SIGLECL1: variants seen among roughly 807,000 people sequenced by gnomAD.
The protein encoded by SIGLECL1 is SIGLEC family-like protein 1.
In SIGLECL1, 16 loss-of-function variants were observed where a neutral mutation model predicts 19.1. That is an observed-to-expected ratio of 0.84 (90% CI 0.57 to 1.27). The LOEUF (loss-of-function observed/expected upper bound fraction) is 1.27, where lower values mean the gene tolerates loss of function less well. Ranked by LOEUF, SIGLECL1 falls within the 50% of genes most tolerant of loss-of-function variation. The probability of loss-of-function intolerance (pLI) is 0.00; values close to 1 mark genes in which losing one functional copy is unlikely to be tolerated. For synonymous variants in SIGLECL1, 89 were observed against 90.4 expected, an observed-to-expected ratio of 0.98 and a Z score of 0.09; for missense variants, 210 against 239.4, an observed-to-expected ratio of 0.88 and a Z score of 0.81.
intron 1 of SIGLECL1, among the ~76,000 whole-genome samples, chr19:51,253,375 A>G (rs546623528): frequency 4.1e-4 from 57 of 138,150 alleles, no homozygotes; most frequent in African/African-American, 1.8e-3. Flanking sequence ...ACTTGAATTT[A>G]AAATTTAAAA....
chr19:51,267,563 C>A (rs772790264), intron 5 of SIGLECL1, 34 bp downstream of exon 5: 1 of 1,608,674 alleles, frequency 6.2e-7, no homozygotes, highest in South Asian at 1.1e-5. Context: ...TCTAGTCTAT[C>A]GGAATACTGA....
chr19:51,252,230 GAGGT>G (rs1982533966), intron 1 of SIGLECL1, among the ~76,000 whole-genome samples: 1 of 151,738 alleles, frequency 6.6e-6, no homozygotes, highest in Admixed American at 6.6e-5. Context: ...CCCGTAGGCA[GAGGT>G]TGCAGTGAGC....
Position 51,265,435 on chromosome 19 carries a change from T to C in SIGLECL1, c.90T>C (p.His30=), listed in dbSNP as rs1403215367. Residue 30 remains histidine (H), a synonymous_variant, in exon 3 of 6, where the codon CAT becomes CAC. Transcript: ENST00000601727. ...CACTGCAGTGCAGCTGTTCCTTCCA[T>C]GGGATTCCCACACCCTCTGTGCAGT... ...EKTLQCSCSF[H]GIPTPSVQWW... is the part of the protein sequence containing the mutation. The C allele has an allele frequency of 1.2e-6, 2 of 1,613,968 alleles. No homozygotes were observed.
chr19:51,246,734 A>C (rs1287609257), upstream of SIGLECL1, among the ~76,000 whole-genome samples: 3 of 152,138 alleles, frequency 2.0e-5, no homozygotes, highest in African/African-American at 7.2e-5. Flanking sequence ...AGGATTAAAC[A>C]AGTTTTATTG....
At chr19:51,261,865 A>G (rs1465626729) in intron 1 of SIGLECL1, among the ~76,000 whole-genome samples, 1 of 152,212 alleles carries the variant, frequency 6.6e-6, no homozygotes, top group African/African-American at 2.4e-5. Flanking sequence ...AAATCAAAGT[A>G]CAATTTTATA....
chr19:51,257,498 G>C (rs187080731), intron 1 of SIGLECL1, among the ~76,000 whole-genome samples: 5 of 152,052 alleles, frequency 3.3e-5, no homozygotes, highest in Non-Finnish European at 7.4e-5. Context: ...CAAACATAGA[G>C]ATCGCTGCTA....
chr19:51,249,127 G>C (rs373134130), upstream of SIGLECL1, among the ~76,000 whole-genome samples: 19 of 152,234 alleles, frequency 1.2e-4, 2 homozygotes, highest in Admixed American at 6.5e-4. Context: ...AGGGTCTGGG[G>C]ACCCAAGGGC....
In SIGLECL1 at chr19:51,265,616, G is replaced by A. The variant is rs768089178; in HGVS notation, c.271G>A (p.Gly91Arg). ...RLLCEGKNQN[G>R]THALSILLMS... is the part of the protein sequence containing the mutation. ...TCTCTGTGAGGGGAAGAACCAAAAC[G>A]GAACCCATGCTTTGAGCATCCTACT... is the stretch of plus-strand genomic sequence containing the variant. The change falls in exon 3 of 6, where the codon GGA (glycine) becomes AGA (arginine). Residue 91 changes from glycine to arginine, a missense_variant. Transcript: ENST00000601727. 20 of 1,614,006 alleles carry A rather than the reference G, an allele frequency of 1.2e-5. 1 individual carries two copies. The highest frequency in any genetic ancestry group is 9.9e-5 in the South Asian group (9 of 91,084).
At chr19:51,246,720 G>A (rs894675445), upstream of SIGLECL1, among the ~76,000 whole-genome samples, 2 of 152,046 alleles carry the variant, frequency 1.3e-5, no homozygotes, top group African/African-American at 2.4e-5. Context: ...AACAGGACCC[G>A]TTTAGGATTA....
At chr19:51,268,485 G>A in intron 5 of SIGLECL1, 86 bp from the exon 6 acceptor site, 1 of 1,385,520 alleles carries the variant, frequency 7.2e-7, no homozygotes, top group South Asian at 1.2e-5. Flanking sequence ...TGCACAAGGG[G>A]GTGTCTTTTT....
At chr19:51,257,630 G>T (rs562587217) in intron 1 of SIGLECL1, 1 of 152,248 alleles carries the variant, frequency 6.6e-6, no homozygotes, top group African/African-American at 2.4e-5. Context: ...CACCTCATAG[G>T]GGTGTCTTTG....
At chr19:51,259,445 G>A (rs933506893) in intron 1 of SIGLECL1, among the ~76,000 whole-genome samples, 2 of 152,164 alleles carry the variant, frequency 1.3e-5, no homozygotes, top group Non-Finnish European at 2.9e-5. Context: ...CACACTAATT[G>A]TTAATTTGAA....
chr19:51,247,506 C>A (rs368468362), upstream of SIGLECL1, among the ~76,000 whole-genome samples: 1 of 151,954 alleles, frequency 6.6e-6, no homozygotes, highest in East Asian at 1.9e-4. Context: ...GCAACCTCCA[C>A]CTCCTGGGTT....
intron 1 of SIGLECL1, among the ~76,000 whole-genome samples, chr19:51,252,128 C>T (rs1168004707): frequency 6.6e-6 from 1 of 151,986 alleles, no homozygotes; most frequent in Non-Finnish European, 1.5e-5. Flanking sequence ...GAAACCCCGT[C>T]TCTTCCAAAA....
chr19:51,253,946 T>G (rs1239496090), intron 1 of SIGLECL1, among the ~76,000 whole-genome samples: 3 of 152,098 alleles, frequency 2.0e-5, no homozygotes, highest in Admixed American at 6.6e-5. Flanking sequence ...GTCTCTAGAG[T>G]TGTAAATGGC....
chr19:51,264,491 A>G (rs1230824287), intron 2 of SIGLECL1: 1 of 158,150 alleles, frequency 6.3e-6, no homozygotes, highest in East Asian at 1.8e-4. Flanking sequence ...AGATTCCTCA[A>G]CAGCGCCCCG....
chr19:51,252,305 A>G lies in SIGLECL1; in HGVS notation c.-191+760A>G, dbSNP rs1054700860. Among the ~76,000 whole-genome samples the G allele has an allele frequency of 5.3e-5, 8 of 152,106 alleles. No homozygotes were observed. In the South Asian group the frequency reaches 8.3e-4, roughly 16 times the overall value. ...CAGCGAGACTCTGTCTCAAAAAAAAAAAAAGAAAAGAAAAGAAAAAGAAAA... is the reference window on the plus strand; with the variant it reads ...CAGCGAGACTCTGTCTCAAAAAAAAGAAAAGAAAAGAAAAGAAAAAGAAAA... On this transcript the variant is annotated intron_variant, in intron 1 of 5. Transcript: ENST00000601727.
chr19:51,253,759 GAA>G (rs1327958473), intron 1 of SIGLECL1, among the ~76,000 whole-genome samples: 2 of 152,186 alleles, frequency 1.3e-5, no homozygotes, highest in East Asian at 3.9e-4. Flanking sequence ...ATAGAATCAT[GAA>G]AAAGACACCA....
chr19:51,265,201 A>G (rs939234959), intron 2 of SIGLECL1, among the ~76,000 whole-genome samples, 167 bp from the exon 3 acceptor site: 10 of 152,144 alleles, frequency 6.6e-5, no homozygotes, highest in African/African-American at 2.4e-4. Flanking sequence ...CCAGATGAGG[A>G]CAGAAGATAG....
Sources: allele counts gnomAD v4.1 joint callset (sites outside exome capture counted in the v4.1 genomes callset), GRCh38; gene constraint gnomAD v4.1.1; transcripts MANE v1.5; gene names NCBI Gene and HGNC (gene_info 2026-07-23, HGNC 2026-07-21).